ZNF136: variants seen among roughly 807,000 people sequenced by gnomAD.
The protein encoded by ZNF136 is zinc finger protein 136 (clone pHZ-20).
A neutral mutation model predicts 11.4 loss-of-function variants in ZNF136; 8 were observed. The observed-to-expected ratio is 0.70, with a 90% CI of 0.41 to 1.27. ZNF136 has a LOEUF of 1.27. ZNF136 is among the 50% of genes most tolerant of loss of function. The pLI is 0.01. For missense variants in ZNF136, 590 were observed against 656.5 expected, an observed-to-expected ratio of 0.90 and a Z score of 1.11; for synonymous variants, 190 against 207.1, an observed-to-expected ratio of 0.92 and a Z score of 0.71.
chr19:12,178,247 G>A (rs1914848423), intron 1 of ZNF136, among the ~76,000 whole-genome samples: 1 of 152,216 alleles, frequency 6.6e-6, no homozygotes. Flanking sequence ...TGTGTTGCCT[G>A]CCTTTCCACT....
Position 12,187,827 on chromosome 19 carries a change from A to C in ZNF136, c.1449A>C (p.Lys483Asn). The C allele has an allele frequency of 6.2e-7, 1 of 1,605,848 alleles. No homozygotes were observed. ...EKPFECKRCG[K>N]AFRSSSSFRL... ...CCTTTGAATGTAAGCGATGTGGTAA[A>C]GCCTTTAGATCTTCTAGTTCCTTTC... The change falls in exon 4 of 4, where the codon AAA becomes AAC. Residue 483 changes from lysine (K) to asparagine (N), a missense_variant. Transcript: ENST00000343979.
At chr19:12,169,755 G>A (rs1457459018) in intron 1 of ZNF136, among the ~76,000 whole-genome samples, 2 of 150,414 alleles carry the variant, frequency 1.3e-5, no homozygotes, top group South Asian at 2.1e-4. Flanking sequence ...ACTTACAGGC[G>A]CCCGCCACCA....
intron 1 of ZNF136, 130 bp downstream of exon 1, chr19:12,163,336 G>A (rs965005916): frequency 8.3e-7 from 1 of 1,205,310 alleles, no homozygotes. Flanking sequence ...CTCTGGCGCA[G>A]CTCAGCCCTT....
intron 1 of ZNF136, among the ~76,000 whole-genome samples, chr19:12,175,734 A>G (rs1467853660): frequency 2.0e-5 from 3 of 152,216 alleles, no homozygotes. Flanking sequence ...ACAACTATAC[A>G]GTGACATTTC....
rs139425963 is a variant in ZNF136, at chr19:12,179,273, G to A, written c.4-6512G>A. On this transcript the variant is annotated intron_variant, in intron 1 of 3. Transcript: ENST00000343979. The stretch of plus-strand genomic sequence containing the variant: ...AGTAAACCATACGTGACTGTGTGGT[G>A]TATCAATAGGAGAGCGCTCAAAAGA... 5.9e-3 allele frequency among the ~76,000 whole-genome samples: 886 copies of A among 151,004 alleles called. 5 individuals carry two copies. The highest frequency in any genetic ancestry group is 0.02 in the African/African-American group (841 of 41,174).
chr19:12,188,146 A>G lies in ZNF136; in HGVS notation c.*145A>G, dbSNP rs1306315922. The G allele has an allele frequency of 1.8e-6, 1 of 566,144 alleles. No homozygotes were observed. The highest frequency in any genetic ancestry group is 2.8e-6 in the Non-Finnish European group (1 of 359,940). The allele number at this position is 566,144 out of a possible 1,614,324, so 35.1% of individuals were successfully genotyped here. On this transcript the variant is annotated 3_prime_UTR_variant, in exon 4 of 4. Coordinates refer to ENST00000343979, the MANE Select transcript of ZNF136 (RefSeq NM_003437.5). ...AGAGAGAAGCCATATACATGTAAGTAACATGGGAAAGCTTTCAATCATTTT... is the reference window on the plus strand; with the variant it reads ...AGAGAGAAGCCATATACATGTAAGTGACATGGGAAAGCTTTCAATCATTTT...
intron 1 of ZNF136, among the ~76,000 whole-genome samples, chr19:12,179,297 G>T (rs985921538): frequency 1.3e-5 from 2 of 150,710 alleles, no homozygotes; most frequent in South Asian, 2.1e-4. Flanking sequence ...GCGCTCAAAA[G>T]AATTTCTTTT....
intron 1 of ZNF136, among the ~76,000 whole-genome samples, chr19:12,172,340 C>T (rs1398874472): frequency 6.6e-6 from 1 of 152,104 alleles, no homozygotes; most frequent in African/African-American, 2.4e-5. Context: ...TGGTGTGGCT[C>T]TGGGGGATTT....
chr19:12,185,563 C>A lies in ZNF136; in HGVS notation c.4-222C>A, dbSNP rs554641642. The A allele has an allele frequency of 7.9e-5, 39 of 492,680 alleles. No homozygotes were observed. The Admixed American group carries it at 1.5e-3, about 19-fold the overall frequency. 30.5% of individuals were successfully genotyped at this position (492,680 alleles called of 1,614,324 possible). ...CTCAGGCAGCACGTATTACTCCTTGCAACCACCACCAAGAAAGATGATCAG... is the reference window on the plus strand; with the variant it reads ...CTCAGGCAGCACGTATTACTCCTTGAAACCACCACCAAGAAAGATGATCAG... On this transcript the variant is annotated intron_variant, in intron 1 of 3. Coordinates refer to ENST00000343979, the MANE Select transcript of ZNF136 (RefSeq NM_003437.5).
At chr19:12,174,898 C>T (rs1914752494) in intron 1 of ZNF136, among the ~76,000 whole-genome samples, 2 of 137,868 alleles carry the variant, frequency 1.5e-5, no homozygotes, top group South Asian at 4.5e-4. Context: ...TGCTCTGTTG[C>T]CCAGGCTGGA....
intron 1 of ZNF136, among the ~76,000 whole-genome samples, chr19:12,179,499 C>T (rs976400665): frequency 2.0e-5 from 3 of 151,952 alleles, no homozygotes; most frequent in Non-Finnish European, 2.9e-5. Context: ...TTTATAGAGA[C>T]GGGGTTCCTC....
At chr19:12,178,409 A>C (rs1299427911) in intron 1 of ZNF136, among the ~76,000 whole-genome samples, 3 of 152,152 alleles carry the variant, frequency 2.0e-5, no homozygotes, top group African/African-American at 7.2e-5. Context: ...GAGATTAAGC[A>C]CCTTCCTCAT....
chr19:12,171,493 A>G (rs554113308), intron 1 of ZNF136, among the ~76,000 whole-genome samples: 2 of 152,182 alleles, frequency 1.3e-5, no homozygotes, highest in East Asian at 1.9e-4. Flanking sequence ...GTGGCCTTTC[A>G]TCTTCTGTAA....
At chr19:12,176,331 CT>C (rs932057097) in intron 1 of ZNF136, among the ~76,000 whole-genome samples, 133 of 145,782 alleles carry the variant, frequency 9.1e-4, no homozygotes, top group Middle Eastern at 3.6e-3. Flanking sequence ...TCAATGAGTA[CT>C]TTTTTTTTTT....
intron 1 of ZNF136, among the ~76,000 whole-genome samples, chr19:12,165,575 T>G (rs926245023): frequency 6.6e-6 from 1 of 152,222 alleles, no homozygotes; most frequent in Admixed American, 6.5e-5. Flanking sequence ...CTGCATGATA[T>G]GTGTAGGTGC....
intron 1 of ZNF136, among the ~76,000 whole-genome samples, chr19:12,168,540 C>T (rs958895979): frequency 6.6e-6 from 1 of 152,098 alleles, no homozygotes; most frequent in African/African-American, 2.4e-5. Flanking sequence ...CCTATACTCC[C>T]TTCCCTGGAG....
intron 1 of ZNF136, among the ~76,000 whole-genome samples, chr19:12,167,637 A>T (rs1294629725): frequency 6.6e-6 from 1 of 152,222 alleles, no homozygotes; most frequent in Non-Finnish European, 1.5e-5. Context: ...AGACAGGCGG[A>T]TCACCTGAGG....
chr19:12,178,752 A>G (rs1164072444), intron 1 of ZNF136, among the ~76,000 whole-genome samples: 2 of 152,028 alleles, frequency 1.3e-5, no homozygotes, highest in Non-Finnish European at 2.9e-5. Flanking sequence ...GTACTTTGGG[A>G]GGCTGAGGTG....
chr19:12,176,386 G>A (rs1279704437), intron 1 of ZNF136, among the ~76,000 whole-genome samples: 1 of 152,044 alleles, frequency 6.6e-6, no homozygotes, highest in African/African-American at 2.4e-5. Context: ...GACTGCAGTG[G>A]CGGGATCTCG....
Sources: allele counts gnomAD v4.1 joint callset (sites outside exome capture counted in the v4.1 genomes callset), GRCh38; gene constraint gnomAD v4.1.1; transcripts MANE v1.5; gene names NCBI Gene and HGNC (gene_info 2026-07-23, HGNC 2026-07-21).